Variants in LCORL observed in about 807,000 individuals in gnomAD.
The protein encoded by LCORL is ligand-dependent nuclear receptor corepressor-like protein.
A neutral mutation model predicts 141.8 loss-of-function variants in LCORL; 41 were observed. The ratio of observed to expected loss-of-function variants is 0.29; its 90% confidence interval spans 0.23 to 0.38. LCORL has a LOEUF of 0.38. Ranked by LOEUF, LCORL falls within the 10% of genes least tolerant of loss-of-function variation. LCORL has a pLI of 1.00. For synonymous variants in LCORL, 618 were observed against 694.1 expected (o/e 0.89, Z 1.72); for missense variants, 1,759 against 2,035.0 (o/e 0.86, Z 2.61).
chr4:17,912,243 T>G (rs1732683167), intron 4 of LCORL: 2 of 719,100 alleles, frequency 2.8e-6, no homozygotes, highest in Admixed American at 3.5e-5. Flanking sequence ...AGAGCAACAT[T>G]ATGGGCTCCT....
At chr4:17,878,953 A>T (rs907415221) in intron 6 of LCORL, among the ~76,000 whole-genome samples, 4 of 150,222 alleles carry the variant, frequency 2.7e-5, no homozygotes, top group African/African-American at 9.7e-5. Context: ...AAGTCTACAC[A>T]TTTTTTTTTA....
intron 1 of LCORL, among the ~76,000 whole-genome samples, chr4:17,988,380 T>G (rs1033594901): frequency 6.6e-6 from 1 of 152,164 alleles, no homozygotes; most frequent in Non-Finnish European, 1.5e-5. Context: ...CGGGTGATCC[T>G]CCTGATCCAG....
chr4:17,916,005 G>A (rs1445961590), intron 4 of LCORL, among the ~76,000 whole-genome samples: 1 of 152,100 alleles, frequency 6.6e-6, no homozygotes, highest in Non-Finnish European at 1.5e-5. Context: ...GCCCCTTCTG[G>A]TCTTAAAAAG....
chr4:17,968,205 T>C (rs1462478510), intron 2 of LCORL, among the ~76,000 whole-genome samples: 4 of 152,172 alleles, frequency 2.6e-5, no homozygotes. Flanking sequence ...ACATTACTTT[T>C]TAACATTAAA....
chr4:17,881,738 AAATATT>A (rs1727593476), intron 6 of LCORL: 1 of 954,642 alleles, frequency 1.0e-6, no homozygotes. Context: ...AATACAATAT[AAATATT>A]ATGTAATGCA....
chr4:17,981,567 A>ATC (rs1041892750), intron 1 of LCORL, among the ~76,000 whole-genome samples: 5 of 152,004 alleles, frequency 3.3e-5, no homozygotes, highest in East Asian at 1.9e-4. Context: ...GTGAAATCTC[A>ATC]TCTCTCTCTC....
chr4:17,848,269 TCTACA>T (rs1402827824), intron 7 of LCORL, among the ~76,000 whole-genome samples: 1 of 152,222 alleles, frequency 6.6e-6, no homozygotes, highest in African/African-American at 2.4e-5. Context: ...GCAGTACTGC[TCTACA>T]GAATTCTTAG....
chr4:17,912,649 C>T (rs1385517385), intron 4 of LCORL: 2 of 394,958 alleles, frequency 5.1e-6, no homozygotes, highest in Non-Finnish European at 9.8e-6. Flanking sequence ...ATCTGGAGGC[C>T]AGCTTGGAGA....
At chr4:17,902,978 T>A (rs1414814092) in intron 5 of LCORL, among the ~76,000 whole-genome samples, 1 of 152,082 alleles carries the variant, frequency 6.6e-6, no homozygotes, top group Non-Finnish European at 1.5e-5. Context: ...GACACAATGT[T>A]CCACATGGCA....
chr4:18,020,117 T>C (rs1331934116), intron 1 of LCORL, among the ~76,000 whole-genome samples: 1 of 152,216 alleles, frequency 6.6e-6, no homozygotes, highest in Non-Finnish European at 1.5e-5. Context: ...TAAAGTAACC[T>C]TCCTTTCTCA....
chr4:17,980,479 G>T (rs2109715587), intron 1 of LCORL, among the ~76,000 whole-genome samples: 1 of 152,232 alleles, frequency 6.6e-6, no homozygotes, highest in South Asian at 2.1e-4. Context: ...CTAGAATTGT[G>T]ATCCTCTTGT....
chr4:17,898,652 G>GTTTTTT lies in LCORL; in HGVS notation c.682+10436_682+10441dup, dbSNP rs34770223. 1.8e-3 allele frequency among the ~76,000 whole-genome samples: 215 copies of GTTTTTT among 119,230 alleles called. 4 individuals are homozygous for GTTTTTT. Among genetic ancestry groups the GTTTTTT allele is most frequent in the African/African-American group, 5.9e-3 (192 of 32,366 alleles). The allele number at this position is 119,230 out of a possible 152,430, so 78.2% of individuals were successfully genotyped here. ...TCACTATCAAGAGATCATTCTCACC[G>GTTTTTT]TTTTTTTTTTTTTTTTTTTGATGTT... On this transcript the variant is annotated intron_variant, in intron 5 of 7. Coordinates refer to ENST00000635767, the Ensembl canonical transcript of LCORL.
At chr4:17,998,785 C>T (rs1422345275) in intron 1 of LCORL, among the ~76,000 whole-genome samples, 1 of 150,464 alleles carries the variant, frequency 6.6e-6, no homozygotes, top group African/African-American at 2.4e-5. Flanking sequence ...GGCAACATAA[C>T]GAAACCCTGT....
At chr4:18,006,664 A>G (rs1485335576) in intron 1 of LCORL, among the ~76,000 whole-genome samples, 1 of 152,120 alleles carries the variant, frequency 6.6e-6, no homozygotes, top group East Asian at 1.9e-4. Context: ...TGTGCAGGGA[A>G]AGTCCCCTTT....
At chr4:17,937,633 T>C (rs1416631762) in intron 4 of LCORL, among the ~76,000 whole-genome samples, 1 of 152,182 alleles carries the variant, frequency 6.6e-6, no homozygotes, top group Non-Finnish European at 1.5e-5. Context: ...CATAGAAACA[T>C]ATTAACAAGT....
At chr4:17,903,596 C>T (rs1731188139) in intron 5 of LCORL, among the ~76,000 whole-genome samples, 1 of 152,098 alleles carries the variant, frequency 6.6e-6, no homozygotes. Flanking sequence ...ATGCATGCCT[C>T]ACCCTTCTAC....
At chr4:17,924,446 G>A (rs574863181) in intron 4 of LCORL, among the ~76,000 whole-genome samples, 38 of 152,250 alleles carry the variant, frequency 2.5e-4, no homozygotes, top group Admixed American at 2.0e-3. Flanking sequence ...GCCAGAAGCC[G>A]GGACCAACAC....
chr4:17,856,617 C>A (rs980497974), intron 7 of LCORL, among the ~76,000 whole-genome samples: 1 of 152,182 alleles, frequency 6.6e-6, no homozygotes, highest in African/African-American at 2.4e-5. Context: ...GCTTTTGAGA[C>A]AAAACACACT....
chr4:17,898,806 A>G (rs1198958445), intron 5 of LCORL, among the ~76,000 whole-genome samples: 2 of 152,290 alleles, frequency 1.3e-5, no homozygotes, highest in Middle Eastern at 3.4e-3. Context: ...ATATCATTCC[A>G]TATTTGTGCA....
Sources: allele counts gnomAD v4.1 joint callset (sites outside exome capture counted in the v4.1 genomes callset), GRCh38; gene constraint gnomAD v4.1.1; transcripts MANE v1.5; gene names NCBI Gene and HGNC (gene_info 2026-07-23, HGNC 2026-07-21).